Variants in SEZ6 observed in about 807,000 individuals in gnomAD.
SEZ6 encodes the protein seizure protein 6 homolog.
A neutral mutation model predicts 101.0 loss-of-function variants in SEZ6; 53 were observed. The ratio of observed to expected loss-of-function variants is 0.52; its 90% CI spans 0.42 to 0.66. SEZ6 has a LOEUF of 0.66. Ranked by LOEUF, SEZ6 falls within the 30% of genes least tolerant of loss-of-function variation. SEZ6 has a pLI of 0.00. For missense variants in SEZ6, 1,102 were observed against 1,289.4 expected (o/e 0.85, Z 2.23); for synonymous variants, 488 against 512.2 (o/e 0.95, Z 0.64).
At position 28,977,713 on chromosome 17, in the gene SEZ6, G is replaced by C. The variant is rs546768326; in HGVS notation, c.858+1967C>G. ...TTCAGTAGGGGTGGTAGGCTTGGGG[G>C]GGGCAGACAGAGCCTCCCAGGCCTG... On this transcript the variant is annotated intron_variant, in intron 3 of 16. Transcript: ENST00000317338. Among the ~76,000 whole-genome samples the C allele has an allele frequency of 3.0e-3, 458 of 152,206 alleles. 3 individuals are homozygous for C. Among genetic ancestry groups the C allele is most frequent in the East Asian group, 2.5e-3 (13 of 5,178 alleles).
intron 14 of SEZ6, 101 bp from the exon 15 acceptor site, chr17:28,956,568 G>T: frequency 6.8e-7 from 1 of 1,471,600 alleles, no homozygotes; most frequent in Non-Finnish European, 9.2e-7. Flanking sequence ...GCTCCCTCTA[G>T]CTGGCTGGGT....
intron 1 of SEZ6, among the ~76,000 whole-genome samples, chr17:29,003,698 A>G (rs553933024): frequency 6.6e-6 from 1 of 152,284 alleles, no homozygotes; most frequent in African/African-American, 2.4e-5. Context: ...CCAGCCGAGG[A>G]GAGAGGAGCC....
intron 1 of SEZ6, among the ~76,000 whole-genome samples, chr17:29,001,178 C>T (rs764590418): frequency 6.6e-5 from 10 of 152,198 alleles, no homozygotes; most frequent in South Asian, 4.1e-4. Flanking sequence ...ATGCTTGCTA[C>T]GCAAACTCAG....
chr17:28,964,735 T>G (rs2041036645), intron 4 of SEZ6, among the ~76,000 whole-genome samples: 1 of 152,236 alleles, frequency 6.6e-6, no homozygotes, highest in Non-Finnish European at 1.5e-5. Flanking sequence ...CTAAAAAGCT[T>G]GATGCCAATG....
At chr17:28,958,737 C>T (rs1184533790) in intron 10 of SEZ6, among the ~76,000 whole-genome samples, 1 of 149,852 alleles carries the variant, frequency 6.7e-6, no homozygotes, top group Admixed American at 6.7e-5. Flanking sequence ...TTGCAATGAA[C>T]AGAGATCACA....
At chr17:28,973,695 G>A (rs2041183852) in intron 3 of SEZ6, among the ~76,000 whole-genome samples, 1 of 152,212 alleles carries the variant, frequency 6.6e-6, no homozygotes, top group Non-Finnish European at 1.5e-5. Context: ...TTGTTTGAGG[G>A]CCAGGCTGAC....
At chr17:28,991,651 G>A (rs2041460484) in intron 1 of SEZ6, among the ~76,000 whole-genome samples, 1 of 152,178 alleles carries the variant, frequency 6.6e-6, no homozygotes, top group African/African-American at 2.4e-5. Context: ...TTAAGATGGG[G>A]TGTCTGCTCC....
chr17:28,970,992 G>C (rs564827283), intron 3 of SEZ6, among the ~76,000 whole-genome samples: 1 of 152,258 alleles, frequency 6.6e-6, no homozygotes, highest in Admixed American at 6.5e-5. Flanking sequence ...CTATCATGCT[G>C]ATCTTCAGGC....
At position 28,997,218 on chromosome 17, in the gene SEZ6, C is replaced by T. The variant is rs146021497; in HGVS notation, c.55+8597G>A. Among the ~76,000 whole-genome samples, 577 of 152,204 alleles carry T rather than the reference C, an allele frequency of 3.8e-3. 2 individuals carry two copies. The highest frequency in any genetic ancestry group is 0.013 in the African/African-American group (550 of 41,516). On this transcript the variant is annotated intron_variant, in intron 1 of 16. Coordinates refer to ENST00000317338, the MANE Select transcript of SEZ6 (RefSeq NM_178860.5). ...AAGTAAATGCATGGATGACCACTCTCGTGCATGCGTTGTTTGATCCCACAT... is the reference window on the plus strand; with the variant it reads ...AAGTAAATGCATGGATGACCACTCTTGTGCATGCGTTGTTTGATCCCACAT...
At position 28,981,885 on chromosome 17, in the gene SEZ6, G is replaced by A; in HGVS notation, c.210C>T (p.His70=). The change falls in exon 2 of 17, where the codon CAC becomes CAT. Residue 70 remains histidine, a synonymous_variant. Coordinates refer to ENST00000317338, the MANE Select transcript of SEZ6 (RefSeq NM_178860.5). Reference sequence around the variant, plus strand: ...CTTGTAGGAATTCCTCAAGCAGCGGGTGGTGGTTGAGCAGCTTCAAGGTGG... The same window carrying A: ...CTTGTAGGAATTCCTCAAGCAGCGGATGGTGGTTGAGCAGCTTCAAGGTGG... ...TAPTLKLLNH[H]PLLEEFLQEG... is the part of the protein sequence containing the mutation. The A allele has an allele frequency of 6.2e-7, 1 of 1,613,948 alleles. No individual in the cohort carries two copies. The highest frequency in any genetic ancestry group is 8.5e-7 in the Non-Finnish European group (1 of 1,179,892).
chr17:28,989,180 C>T (rs2041423822), intron 1 of SEZ6, among the ~76,000 whole-genome samples: 1 of 152,150 alleles, frequency 6.6e-6, no homozygotes, highest in Admixed American at 6.5e-5. Context: ...ACCTGAGTTT[C>T]CATATTTTTG....
Position 28,958,030 on chromosome 17 carries a change from G to C in SEZ6, c.2219C>G (p.Pro740Arg). 6.2e-7 allele frequency: 1 copy of C among 1,613,974 alleles called. No homozygotes were observed. The change falls in exon 11 of 17, where the codon CCT (proline) becomes CGT (arginine). Residue 740 changes from proline (P) to arginine (R), a missense_variant. Coordinates refer to ENST00000317338, the MANE Select transcript of SEZ6 (RefSeq NM_178860.5). ...HGTVVTYQCY[P>R]GYQVVGSSVL... ...ACTGGATCCCACTACCTGGTAGCCAGGGTAGCACTGGTAAGTGACCACGGT... is the reference window on the plus strand; with the variant it reads ...ACTGGATCCCACTACCTGGTAGCCACGGTAGCACTGGTAAGTGACCACGGT...
intron 3 of SEZ6, among the ~76,000 whole-genome samples, chr17:28,974,691 G>C (rs1374715031): frequency 2.0e-5 from 3 of 152,214 alleles, no homozygotes; most frequent in Admixed American, 2.0e-4. Flanking sequence ...CCAGTGTCCT[G>C]TCTTGTGTGC....
In SEZ6 at chr17:28,963,951, T is replaced by TA; in HGVS notation, c.1240+10_1240+11insT. 26 of 1,604,638 alleles carry TA rather than the reference T, an allele frequency of 1.6e-5. No homozygotes were observed. Among genetic ancestry groups the TA allele is most frequent in the Non-Finnish European group, 2.2e-5 (26 of 1,175,570 alleles). The stretch of plus-strand genomic sequence containing the variant: ...CTGCTCAGCACTGAGCCCTTTCCCC[T>TA]GGGCACTCACCGATGCAGACGGGCT... On this transcript the variant is annotated intron_variant, in intron 5 of 16. Transcript: ENST00000317338.
chr17:28,957,106 G>A lies in SEZ6; in HGVS notation c.2631C>T (p.Ser877=). 1 of 1,613,386 alleles carries A rather than the reference G, an allele frequency of 6.2e-7. No homozygotes were observed. ...AGGGGTGCCCAGGCACACACTTGAT[G>A]CTGGCCTGGCCCTTCAGCACATAGC... ...APGYVLKGQA[S]IKCVPGHPSH... The change falls in exon 13 of 17, where the codon AGC becomes AGT. Residue 877 remains serine (S), a synonymous_variant. Transcript: ENST00000317338.
intron 1 of SEZ6, among the ~76,000 whole-genome samples, chr17:28,994,987 C>T (rs932460939): frequency 1.3e-5 from 2 of 152,010 alleles, no homozygotes; most frequent in Non-Finnish European, 2.9e-5. Context: ...GTTCTCCTGC[C>T]TCAGCCTCCC....
At chr17:28,994,281 T>G (rs1295971677) in intron 1 of SEZ6, among the ~76,000 whole-genome samples, 4 of 152,080 alleles carry the variant, frequency 2.6e-5, no homozygotes, top group South Asian at 4.1e-4. Flanking sequence ...ACTTTTTTTT[T>G]TTTTCCTTTT....
chr17:28,997,183 G>A (rs190127665), intron 1 of SEZ6, among the ~76,000 whole-genome samples: 1 of 152,220 alleles, frequency 6.6e-6, no homozygotes, highest in African/African-American at 2.4e-5. Context: ...GGGGCCAAGG[G>A]GATCTAGAGA....
intron 1 of SEZ6, among the ~76,000 whole-genome samples, chr17:28,991,349 C>T (rs537681755): frequency 9.0e-4 from 136 of 151,864 alleles, no homozygotes; most frequent in Non-Finnish European, 9.3e-4. Context: ...GGATTGCAGG[C>T]GCCCGCCACT....
Sources: gnomAD v4.1 joint callset for allele counts (sites outside exome capture counted in the v4.1 genomes callset) on GRCh38, gnomAD v4.1.1 for gene constraint, MANE v1.5 for transcripts, NCBI Gene and HGNC (gene_info 2026-07-23, HGNC 2026-07-21) for gene names.